The following KIAA1217 variants were observed in gnomAD, a reference collection of about 807,000 sequenced individuals.
The protein encoded by KIAA1217 is sickle tail protein homolog.
A neutral mutation model predicts 163.9 loss-of-function variants in KIAA1217; 88 were observed. The ratio of observed to expected loss-of-function variants is 0.54; its 90% CI spans 0.45 to 0.64. The LOEUF (loss-of-function observed/expected upper bound fraction) is 0.64, where lower values mean the gene tolerates loss of function less well. Ranked by LOEUF, KIAA1217 falls within the 30% of genes least tolerant of loss-of-function variation. The pLI, the probability that KIAA1217 is intolerant of heterozygous loss-of-function variation, is 0.00. For synonymous variants in KIAA1217, 903 were observed against 923.1 expected, an observed-to-expected ratio of 0.98 and a Z score of 0.39; for missense variants, 2,372 against 2,475.0, an observed-to-expected ratio of 0.96 and a Z score of 0.88.
At chr10:23,943,490 G>T (rs764920469) in intron 1 of KIAA1217, among the ~76,000 whole-genome samples, 3 of 152,166 alleles carry the variant, frequency 2.0e-5, no homozygotes, top group Non-Finnish European at 2.9e-5. Flanking sequence ...TAAATGAAGA[G>T]ATATACCATG....
In KIAA1217 at chr10:23,999,321, C is replaced by T. The variant is rs574748096; in HGVS notation, c.-320-7904C>T. Among the ~76,000 whole-genome samples the T allele has an allele frequency of 2.6e-5, 4 of 152,276 alleles. No homozygotes were observed. In the South Asian group the frequency reaches 8.3e-4, roughly 32 times the overall value. On this transcript the variant is annotated intron_variant, in intron 1 of 18. Coordinates refer to the KIAA1217 transcript ENST00000376462. ...GACCTGGGATAGGAGACAGAGAACTCACTGACTCTTGAGTAGCTGGAGGCA... is the reference window on the plus strand; with the variant it reads ...GACCTGGGATAGGAGACAGAGAACTTACTGACTCTTGAGTAGCTGGAGGCA...
chr10:24,344,195 A>C (rs1378699603), intron 2 of KIAA1217, among the ~76,000 whole-genome samples: 1 of 152,250 alleles, frequency 6.6e-6, no homozygotes, highest in Admixed American at 6.5e-5. Context: ...AATTTTAAAT[A>C]AATAAGATAA....
chr10:24,268,021 G>A (rs893526945), intron 2 of KIAA1217, among the ~76,000 whole-genome samples: 3 of 152,036 alleles, frequency 2.0e-5, no homozygotes, highest in South Asian at 2.1e-4. Context: ...GTTTCCCTGC[G>A]CTGCAGCTCC....
chr10:24,236,738 A>G (rs1438095072), intron 2 of KIAA1217, among the ~76,000 whole-genome samples: 1 of 151,316 alleles, frequency 6.6e-6, no homozygotes, highest in Non-Finnish European at 1.5e-5. Context: ...TGCAGCCTCA[A>G]CCTTCTGGGC....
intron 1 of KIAA1217, among the ~76,000 whole-genome samples, chr10:23,769,568 ATAAAT>A (rs1358411534): frequency 1.3e-5 from 2 of 152,348 alleles, no homozygotes; most frequent in Admixed American, 1.3e-4. Flanking sequence ...ATTATAAACT[ATAAAT>A]TAAGTTCCTC....
intron 2 of KIAA1217, among the ~76,000 whole-genome samples, chr10:24,107,930 A>C (rs1047198598): frequency 1.3e-5 from 2 of 152,198 alleles, no homozygotes; most frequent in Admixed American, 1.3e-4. Flanking sequence ...AAAAAAAATG[A>C]AATATTAATG....
At chr10:24,138,794 T>C (rs1589639911) in intron 2 of KIAA1217, among the ~76,000 whole-genome samples, 1 of 152,214 alleles carries the variant, frequency 6.6e-6, no homozygotes, top group Admixed American at 6.5e-5. Flanking sequence ...CTGAACCCAG[T>C]GTCTAAAATG....
At chr10:24,137,868 G>A (rs1343260652) in intron 2 of KIAA1217, among the ~76,000 whole-genome samples, 3 of 152,258 alleles carry the variant, frequency 2.0e-5, no homozygotes, top group East Asian at 3.9e-4. Context: ...AAGGGTTTAG[G>A]TGGACATGTG....
intron 1 of KIAA1217, among the ~76,000 whole-genome samples, chr10:23,761,079 A>G (rs959501339): frequency 4.6e-5 from 7 of 152,048 alleles, no homozygotes; most frequent in African/African-American, 1.7e-4. Flanking sequence ...GTGAGATCTC[A>G]TCTCTACAAA....
chr10:23,824,453 C>T (rs1402798811), intron 1 of KIAA1217, among the ~76,000 whole-genome samples: 3 of 149,430 alleles, frequency 2.0e-5, no homozygotes, highest in African/African-American at 5.0e-5. Context: ...CATGGTGAAA[C>T]CCCGTCTCTA....
chr10:23,709,387 G>T (rs1320738545), intron 1 of KIAA1217, among the ~76,000 whole-genome samples: 1 of 151,936 alleles, frequency 6.6e-6, no homozygotes, highest in Non-Finnish European at 1.5e-5. Context: ...AATTAGCCAG[G>T]CACGGTGGTT....
chr10:24,097,964 T>C (rs993116308), intron 2 of KIAA1217, among the ~76,000 whole-genome samples: 16 of 152,142 alleles, frequency 1.1e-4, no homozygotes, highest in Admixed American at 3.3e-4. Context: ...GCCACGGATC[T>C]CTGTGTTCCA....
chr10:23,838,275 G>A (rs1169289021), intron 1 of KIAA1217, among the ~76,000 whole-genome samples: 2 of 152,052 alleles, frequency 1.3e-5, no homozygotes, highest in African/African-American at 4.8e-5. Context: ...ATGACATCAG[G>A]TTGCCTTTAA....
chr10:24,390,952 T>C (rs2054840294), intron 3 of KIAA1217, among the ~76,000 whole-genome samples: 1 of 152,188 alleles, frequency 6.6e-6, no homozygotes, highest in Admixed American at 6.5e-5. Context: ...TCATGTGGAT[T>C]CATGATGCAT....
intron 3 of KIAA1217, among the ~76,000 whole-genome samples, chr10:24,405,214 C>A (rs775341068): frequency 1.3e-5 from 2 of 152,074 alleles, no homozygotes; most frequent in African/African-American, 2.4e-5. Flanking sequence ...TTGTTATTGC[C>A]CTATAGTTAT....
chr10:24,157,052 T>A (rs1471400118), intron 2 of KIAA1217, among the ~76,000 whole-genome samples: 1 of 152,232 alleles, frequency 6.6e-6, no homozygotes, highest in Non-Finnish European at 1.5e-5. Flanking sequence ...CTGGATCATA[T>A]AGGAAGTACG....
chr10:23,876,676 T>C (rs1840712993), intron 1 of KIAA1217, among the ~76,000 whole-genome samples: 1 of 151,980 alleles, frequency 6.6e-6, no homozygotes, highest in Non-Finnish European at 1.5e-5. Flanking sequence ...CATGCCTTTC[T>C]TTCTCATAAA....
chr10:24,491,492 G>A (rs1276250612), intron 6 of KIAA1217, among the ~76,000 whole-genome samples: 1 of 151,994 alleles, frequency 6.6e-6, no homozygotes, highest in Admixed American at 6.6e-5. Flanking sequence ...ATTTCACCAT[G>A]TTGGCCAGGC....
intron 1 of KIAA1217, among the ~76,000 whole-genome samples, chr10:23,772,903 G>A (rs1171310112): frequency 6.6e-6 from 1 of 152,128 alleles, no homozygotes; most frequent in Non-Finnish European, 1.5e-5. Flanking sequence ...CACACAAACA[G>A]GGAGACACAC....
Sources: gnomAD v4.1 joint callset for allele counts (sites outside exome capture counted in the v4.1 genomes callset) on GRCh38, gnomAD v4.1.1 for gene constraint, MANE v1.5 for transcripts, NCBI Gene and HGNC (gene_info 2026-07-23, HGNC 2026-07-21) for gene names.